RLF: variants seen among roughly 807,000 people sequenced by gnomAD.
RLF encodes RLF zinc finger, also known as zinc finger protein Rlf.
RLF carries 7 observed loss-of-function variants against 162.9 expected under a neutral mutation model. That is an observed-to-expected ratio of 0.04 (90% CI 0.02 to 0.08). RLF has a LOEUF of 0.08. Among genes scored for constraint, RLF ranks in the 10% least tolerant of loss-of-function variants. The probability of loss-of-function intolerance (pLI) is 1.00; values close to 1 mark genes in which losing one functional copy is unlikely to be tolerated. For missense variants in RLF, 1,664 were observed against 2,244.7 expected (o/e 0.74, Z 5.23); for synonymous variants, 782 against 791.5 (o/e 0.99, Z 0.20).
chr1:40,173,998 A>G (rs145676788), intron 1 of RLF, among the ~76,000 whole-genome samples: 252 of 152,340 alleles, frequency 1.7e-3, no homozygotes, highest in African/African-American at 5.8e-3. Context: ...CTTATAATCA[A>G]TTCTTCTAAA....
chr1:40,185,920 G>T (rs2124533509), intron 1 of RLF, among the ~76,000 whole-genome samples: 1 of 149,792 alleles, frequency 6.7e-6, no homozygotes, highest in East Asian at 2.0e-4. Flanking sequence ...ACTTGGGGAG[G>T]CCAAGGCAGG....
rs759623575 is a variant in RLF, at chr1:40,239,193, T to C, written c.4491T>C (p.Ala1497=). 1.2e-6 allele frequency: 2 copies of C among 1,614,046 alleles called. No homozygotes were observed. Among genetic ancestry groups the C allele is most frequent in the Non-Finnish European group, 1.7e-6 (2 of 1,180,038 alleles). The part of the protein sequence containing the change: ...LLRSEKVCQT[A]DTQGHEHQTT... ...GGAGTGAAAAGGTATGTCAAACAGC[T>C]GATACTCAGGGGCATGAACATCAGA... Residue 1497 remains alanine (A), a synonymous_variant, in exon 8 of 8, where the codon GCT becomes GCC. Transcript: ENST00000372771.
intron 5 of RLF, among the ~76,000 whole-genome samples, chr1:40,210,556 A>G (rs1642852518): frequency 6.6e-6 from 1 of 152,236 alleles, no homozygotes; most frequent in Admixed American, 6.5e-5. Context: ...CATTGCATTA[A>G]TGGTTAGATT....
intron 1 of RLF, among the ~76,000 whole-genome samples, chr1:40,177,110 C>G (rs1303311428): frequency 4.0e-5 from 6 of 151,882 alleles, no homozygotes; most frequent in Non-Finnish European, 8.8e-5. Flanking sequence ...GCCTCAGACT[C>G]CTGAGTAGCT....
chr1:40,202,221 C>G (rs1417721723), intron 4 of RLF, among the ~76,000 whole-genome samples, 191 bp from the exon 5 acceptor site: 1 of 152,082 alleles, frequency 6.6e-6, no homozygotes, highest in African/African-American at 2.4e-5. Context: ...GCTTATAGTT[C>G]ATTTCACTAT....
chr1:40,224,623 C>CTTTTTTTTTTTTT (rs1168908018), intron 6 of RLF, among the ~76,000 whole-genome samples: 9 of 33,260 alleles, frequency 2.7e-4, no homozygotes, highest in South Asian at 2.1e-3. Flanking sequence ...TTTTTGAAAG[C>CTTTTTTTTTTTTT]TTTTTTTTTT....
intron 5 of RLF, among the ~76,000 whole-genome samples, chr1:40,211,852 T>G (rs1184126671): frequency 1.3e-5 from 2 of 152,182 alleles, no homozygotes; most frequent in Non-Finnish European, 2.9e-5. Context: ...GGTCTCAAAC[T>G]CCTGACCTCC....
At chr1:40,194,586 C>CAA (rs554986416) in intron 3 of RLF, among the ~76,000 whole-genome samples, 1 of 131,898 alleles carries the variant, frequency 7.6e-6, no homozygotes. Context: ...ACTCCATCTC[C>CAA]AAAAAAAAAA....
At chr1:40,177,275 A>G (rs1354168375) in intron 1 of RLF, among the ~76,000 whole-genome samples, 2 of 151,184 alleles carry the variant, frequency 1.3e-5, no homozygotes, top group African/African-American at 2.4e-5. Flanking sequence ...CGGCCTTAAC[A>G]GTGTATTTCT....
intron 1 of RLF, 74 bp from the exon 2 acceptor site, chr1:40,188,981 G>A (rs1409722874): frequency 4.0e-6 from 4 of 988,592 alleles, no homozygotes; most frequent in Non-Finnish European, 5.8e-6. Flanking sequence ...GGAGAGCTAT[G>A]TGGTGTGTTT....
chr1:40,185,776 C>T (rs1642469024), intron 1 of RLF, among the ~76,000 whole-genome samples: 1 of 120,112 alleles, frequency 8.3e-6, no homozygotes, highest in African/African-American at 3.2e-5. Context: ...TGCAGTGAGC[C>T]AAGATCGTGC....
chr1:40,201,128 A>G (rs1289537693), intron 4 of RLF, among the ~76,000 whole-genome samples: 1 of 128,456 alleles, frequency 7.8e-6, no homozygotes, highest in Non-Finnish European at 1.6e-5. Context: ...TTCAGGTCCC[A>G]GACCTAATAA....
At chr1:40,185,261 G>A (rs1642458811) in intron 1 of RLF, among the ~76,000 whole-genome samples, 1 of 151,490 alleles carries the variant, frequency 6.6e-6, no homozygotes, top group East Asian at 2.0e-4. Context: ...CTCCCAAGTA[G>A]CTGGGACTAG....
intron 5 of RLF, among the ~76,000 whole-genome samples, chr1:40,218,526 C>G (rs1286181651): frequency 6.6e-6 from 1 of 152,198 alleles, no homozygotes; most frequent in Admixed American, 6.5e-5. Context: ...GCCGTTACAT[C>G]AGATAACCTT....
chr1:40,238,025 A>G lies in RLF; in HGVS notation c.3323A>G (p.Gln1108Arg). 1 of 1,614,146 alleles carries G rather than the reference A, an allele frequency of 6.2e-7. No homozygotes were observed. Among genetic ancestry groups the G allele is most frequent in the South Asian group, 1.1e-5 (1 of 91,084 alleles). ...TCATCTATCTCAGACCTTAATTTTC[A>G]GAATCAAGATGAAAACATGCCAAGT... ...SVSSISDLNF[Q>R]NQDENMPSQY... The change falls in exon 8 of 8, where the codon CAG becomes CGG. Residue 1108 changes from glutamine to arginine, a missense_variant. This residue lies in a region of RLF where 30 missense variants were observed against 116.5 expected (regional missense o/e 0.26). Transcript: ENST00000372771. This position sits in a 1 kb window ranked among gnomAD's most constrained non-coding sequence, Gnocchi z 5.2.
chr1:40,233,780 T>A (rs1643183379), intron 7 of RLF, among the ~76,000 whole-genome samples: 2 of 152,224 alleles, frequency 1.3e-5, no homozygotes, highest in Admixed American at 1.3e-4. Context: ...CTCAATTGAT[T>A]GTTCACAGTC....
In RLF at chr1:40,238,525, A is replaced by G. The variant is rs759802285; in HGVS notation, c.3823A>G (p.Ile1275Val). The change falls in exon 8 of 8, where the codon ATA becomes GTA. Residue 1275 changes from isoleucine to valine, a missense_variant. Physicochemically the swap from Ile to Val is conservative, Grantham distance 29. Around this residue, in one of 15 missense-constraint regions of RLF, gnomAD observed 102 missense variants for 109.5 expected, o/e 0.93. Transcript: ENST00000372771. This position sits in a 1 kb window ranked among gnomAD's most constrained non-coding sequence, Gnocchi z 5.2. ...ESKTSDISSP[I>V]GSHREEQEGR... ...TAAAACATCTGACATTTCATCACCAATAGGCAGCCATAGAGAAGAACAAGA... is the reference window on the plus strand; with the variant it reads ...TAAAACATCTGACATTTCATCACCAGTAGGCAGCCATAGAGAAGAACAAGA... 38 of 1,613,810 alleles carry G rather than the reference A, an allele frequency of 2.4e-5. No individual in the cohort carries two copies. Among genetic ancestry groups the G allele is most frequent in the Non-Finnish European group, 3.1e-5 (37 of 1,180,028 alleles).
Position 40,161,538 on chromosome 1 carries a change from T to C in RLF, c.139T>C (p.Ser47Pro). 6.2e-7 allele frequency: 1 copy of C among 1,607,314 alleles called. No individual in the cohort carries two copies. Among genetic ancestry groups the C allele is most frequent in the South Asian group, 1.1e-5 (1 of 90,160 alleles). Residue 47 changes from serine to proline, a missense_variant, in exon 1 of 8, where the codon TCG (serine) becomes CCG (proline). By Grantham distance (74) the Ser-to-Pro change is moderately conservative. This residue lies in a region of RLF where 134 missense variants were observed against 124.3 expected (regional missense o/e 1.08). Coordinates refer to ENST00000372771, the MANE Select transcript of RLF (RefSeq NM_012421.4). This position sits in a 1 kb window ranked among gnomAD's most constrained non-coding sequence, Gnocchi z 4.4. ...HRPVSPAPGASGLRPCLWQLE... is the reference protein window; with the variant it reads ...HRPVSPAPGAPGLRPCLWQLE... Reference sequence around the variant, plus strand: ...CCCCGTATCTCCAGCGCCGGGAGCCTCGGGACTGCGGCCGTGTCTGTGGCA... The same window carrying C: ...CCCCGTATCTCCAGCGCCGGGAGCCCCGGGACTGCGGCCGTGTCTGTGGCA...
intron 6 of RLF, among the ~76,000 whole-genome samples, chr1:40,228,473 C>G (rs958153740): frequency 1.3e-5 from 2 of 150,282 alleles, no homozygotes; most frequent in East Asian, 2.0e-4. Flanking sequence ...CCCAGCTACT[C>G]GAGGGAGGCT....
Sources: allele counts gnomAD v4.1 joint callset (sites outside exome capture counted in the v4.1 genomes callset), GRCh38; gene constraint gnomAD v4.1.1; regional missense constraint gnomAD v4.1.1; non-coding constraint Gnocchi (gnomAD v3.1); transcripts MANE v1.5; gene names NCBI Gene and HGNC (gene_info 2026-07-23, HGNC 2026-07-21).